PIEZO2: variants seen among roughly 807,000 people sequenced by gnomAD.
PIEZO2 encodes the protein piezo type mechanosensitive ion channel component 2, also known as piezo-type mechanosensitive ion channel component 2.
A neutral mutation model predicts 337.3 loss-of-function variants in PIEZO2; 172 were observed. That is an observed-to-expected ratio of 0.51 (90% CI 0.45 to 0.58). The LOEUF (loss-of-function observed/expected upper bound fraction) is 0.58. PIEZO2 is among the 20% of genes least tolerant of loss of function. The probability of loss-of-function intolerance (pLI) is 0.00; values close to 1 mark genes in which losing one functional copy is unlikely to be tolerated. For missense variants in PIEZO2, 3,028 were observed against 3,391.3 expected, an observed-to-expected ratio of 0.89 and a Z score of 2.66; for synonymous variants, 1,251 against 1,228.5, an observed-to-expected ratio of 1.02 and a Z score of -0.38.
intron 2 of PIEZO2, among the ~76,000 whole-genome samples, chr18:11,005,264 T>A (rs1385568501): frequency 6.6e-6 from 1 of 152,260 alleles, no homozygotes; most frequent in African/African-American, 2.4e-5. Flanking sequence ...TGTACAGAGT[T>A]ATCCTGCAAT....
In PIEZO2 at chr18:11,021,379, A is replaced by G. The variant is rs1383753323; in HGVS notation, c.161-41719T>C. Reference sequence around the variant, plus strand: ...AACATTTTCTTTTTCCTTCTACAAAAGCATCCCACTCTTGTATTCCATGCA... The same window carrying G: ...AACATTTTCTTTTTCCTTCTACAAAGGCATCCCACTCTTGTATTCCATGCA... On this transcript the variant is annotated intron_variant, in intron 2 of 55. Transcript: ENST00000674853. The surrounding 1 kb of genome is among the most constrained non-coding windows in gnomAD (Gnocchi z 4.7). Among the ~76,000 whole-genome samples, 1 of 152,070 alleles carries G rather than the reference A, an allele frequency of 6.6e-6. No individual in the cohort carries two copies. Among genetic ancestry groups the G allele is most frequent in the African/African-American group, 2.4e-5 (1 of 41,390 alleles).
rs753368785 is a variant in PIEZO2, at chr18:10,857,156, T to C, written c.548A>G (p.Asn183Ser). The change falls in exon 6 of 56, where the codon AAT (asparagine) becomes AGT (serine). Residue 183 changes from asparagine to serine, a missense_variant. Transcript: ENST00000674853. ...CTCGCCTTCAACACCATCTCCTCCA[T>C]TGAAATCCTCTTCATAGATCAGTGC... ...EEALIYEEDFNGGDGVEGELE... is the reference protein window; with the variant it reads ...EEALIYEEDFSGGDGVEGELE... 2.5e-5 allele frequency: 38 copies of C among 1,537,780 alleles called. No individual in the cohort carries two copies. Among genetic ancestry groups the C allele is most frequent in the African/African-American group, 8.2e-5 (6 of 73,060 alleles).
At position 10,699,017 on chromosome 18, in the gene PIEZO2, G is replaced by A. The variant is rs1407250908; in HGVS notation, c.6602C>T (p.Pro2201Leu). The A allele has an allele frequency of 2.3e-5, 35 of 1,536,958 alleles. No homozygotes were observed. The highest frequency in any genetic ancestry group is 1.2e-5 in the Non-Finnish European group (14 of 1,146,916). Residue 2201 changes from proline to leucine, a missense_variant, in exon 44 of 56, where the codon CCG becomes CTG. By Grantham distance (98) the Pro-to-Leu change is moderately conservative. Around this residue, in one of 5 missense-constraint regions of PIEZO2, gnomAD observed 1,925 missense variants for 2,051.9 expected, o/e 0.94. Transcript: ENST00000674853. ...ASVESVHVTF[P>L]EQQTAVRRKR... ...CCTCCGGACAGCTGTCTGCTGCTCC[G>A]GGAAGGTCACATGCACTGACTCCAC...
intron 1 of PIEZO2, among the ~76,000 whole-genome samples, chr18:11,136,041 AAATTTTGATACCC>A (rs2040474740): frequency 6.6e-6 from 1 of 152,226 alleles, no homozygotes; most frequent in African/African-American, 2.4e-5. Flanking sequence ...TTTGCTCAAA[AAATTTTGATACCC>A]AATTTAAGAA....
intron 2 of PIEZO2, among the ~76,000 whole-genome samples, chr18:11,014,434 G>GCC (rs1481826997): frequency 1.6e-5 from 2 of 125,490 alleles, no homozygotes; most frequent in South Asian, 2.6e-4. Context: ...GCGATCCGGA[G>GCC]CCCCTCATTC....
At chr18:10,785,073 A>G in intron 16 of PIEZO2, 116 bp from the exon 17 acceptor site, 1 of 1,064,274 alleles carries the variant, frequency 9.4e-7, no homozygotes, top group Non-Finnish European at 1.3e-6. Flanking sequence ...CGTTTATTGA[A>G]TCCCTCTCTC....
At chr18:10,869,163 A>G (rs531526422) in intron 5 of PIEZO2, among the ~76,000 whole-genome samples, 7 of 152,242 alleles carry the variant, frequency 4.6e-5, no homozygotes, top group Non-Finnish European at 8.8e-5. Context: ...AATTTTATTT[A>G]GCATTCACAA....
chr18:10,871,441 GA>G (rs547759274), intron 4 of PIEZO2, 26 bp from the exon 5 acceptor site: 68 of 1,513,076 alleles, frequency 4.5e-5, no homozygotes, highest in African/African-American at 2.2e-4. Context: ...AAGGGGAGGG[GA>G]AAAAAATTTA....
rs541278236 is a variant in PIEZO2 at position 11,085,918 on chromosome 18, T to A, written c.65-19696A>T. Among the ~76,000 whole-genome samples the A allele has an allele frequency of 1.1e-3, 169 of 151,480 alleles. 1 individual carries two copies. The highest frequency in any genetic ancestry group is 3.9e-3 in the African/African-American group (162 of 41,328). On this transcript the variant is annotated intron_variant, in intron 1 of 55. Coordinates refer to ENST00000674853, the MANE Select transcript of PIEZO2 (RefSeq NM_001378183.1). ...GAGGTAGGGGGTATAATGGAAACCC[T>A]AATGGTACATGTGGTCATCTGAAGC... is the stretch of plus-strand genomic sequence containing the variant.
Position 10,704,609 on chromosome 18 carries a change from C to A in PIEZO2, c.6043G>T (p.Val2015Leu). The A allele has an allele frequency of 6.5e-7, 1 of 1,537,238 alleles. No homozygotes were observed. Among genetic ancestry groups the A allele is most frequent in the South Asian group, 1.2e-5 (1 of 84,058 alleles). The part of the protein sequence containing the change: ...DELEESEKFY[V>L]GQPRFLLLFY... The stretch of plus-strand genomic sequence containing the variant: ...AGCAGCAGAAATCGGGGCTGCCCCA[C>A]GTAGAATTTCTCTGACTCTTCAAGC... Residue 2015 changes from valine to leucine, a missense_variant, in exon 42 of 56, where the codon GTG becomes TTG. This residue lies in a region of PIEZO2 where 1,925 missense variants were observed against 2,051.9 expected (regional missense o/e 0.94). Transcript: ENST00000674853.
chr18:10,832,512 A>T (rs1192938041), intron 7 of PIEZO2, among the ~76,000 whole-genome samples: 1 of 152,224 alleles, frequency 6.6e-6, no homozygotes, highest in Admixed American at 6.5e-5. Flanking sequence ...CCCAATGCCT[A>T]CAGCGCCTAG....
intron 3 of PIEZO2, among the ~76,000 whole-genome samples, chr18:10,923,460 T>G (rs1031702904): frequency 2.0e-5 from 3 of 152,054 alleles, no homozygotes; most frequent in East Asian, 3.9e-4. Flanking sequence ...GAAGCAAGAG[T>G]GGCTGTGACT....
rs999711510 is a variant in PIEZO2, at chr18:11,105,523, G to T, written c.65-39301C>A. Among the ~76,000 whole-genome samples the T allele has an allele frequency of 3.9e-5, 6 of 152,148 alleles. No homozygotes were observed. In the South Asian group the frequency reaches 1.2e-3, roughly 32 times the overall value. On this transcript the variant is annotated intron_variant, in intron 1 of 55. Transcript: ENST00000674853. This position sits in a 1 kb window ranked among gnomAD's most constrained non-coding sequence, Gnocchi z 4.3. The stretch of plus-strand genomic sequence containing the variant: ...CAGCTTATCTCATTCTCTCCTGCTT[G>T]TTATGAGCTCAGAAAGCTTTAGGTG...
In PIEZO2 at chr18:10,689,688, T is replaced by C. The variant is rs1327103059; in HGVS notation, c.7464A>G (p.Ile2488Met). The C allele has an allele frequency of 1.2e-6, 2 of 1,614,228 alleles. No individual in the cohort carries two copies. Among genetic ancestry groups the C allele is most frequent in the Non-Finnish European group, 1.7e-6 (2 of 1,180,044 alleles). Residue 2488 changes from isoleucine to methionine, a missense_variant, in exon 49 of 56, where the codon ATA (isoleucine) becomes ATG (methionine). Around this residue, in one of 5 missense-constraint regions of PIEZO2, gnomAD observed 179 missense variants for 281.8 expected, o/e 0.64. Coordinates refer to ENST00000674853, the MANE Select transcript of PIEZO2 (RefSeq NM_001378183.1). ...ACTCCCGCCAACACTTCAGGATGAA[T>C]ATGTGAGCATAGATGTCCTCCACAC... ...WICVEDIYAH[I>M]FILKCWRESE...
At chr18:10,898,988 C>A (rs1160202578) in intron 4 of PIEZO2, among the ~76,000 whole-genome samples, 1 of 152,128 alleles carries the variant, frequency 6.6e-6, no homozygotes, top group African/African-American at 2.4e-5. Context: ...CAACTGACGC[C>A]AAGAAAGGCA....
intron 21 of PIEZO2, 50 bp from the exon 22 acceptor site, chr18:10,763,148 A>G (rs890728388): frequency 1.3e-6 from 2 of 1,498,482 alleles, no homozygotes; most frequent in Non-Finnish European, 1.8e-6. Context: ...ACACGGCATA[A>G]CAAACAGGAC....
chr18:11,039,554 A>G (rs2037041709), intron 2 of PIEZO2, among the ~76,000 whole-genome samples: 1 of 152,180 alleles, frequency 6.6e-6, no homozygotes, highest in South Asian at 2.1e-4. Context: ...TGACATATAT[A>G]TAACTATATG....
intron 7 of PIEZO2, among the ~76,000 whole-genome samples, chr18:10,810,144 T>C (rs556323290): frequency 1.1e-4 from 16 of 152,248 alleles, no homozygotes; most frequent in Admixed American, 3.3e-4. Flanking sequence ...TAAAATCTAA[T>C]AATGTTGATG....
rs890815098 is a variant in PIEZO2, at chr18:10,837,841, T to C, written c.917+17512A>G. On this transcript the variant is annotated intron_variant, in intron 7 of 55. Coordinates refer to ENST00000674853, the MANE Select transcript of PIEZO2 (RefSeq NM_001378183.1). The surrounding 1 kb of genome is among the most constrained non-coding windows in gnomAD (Gnocchi z 4.4). Reference sequence around the variant, plus strand: ...ATCTCAGCTCACTGCAACCTCCACCTCCCAGGTTCAAGTGATTCTCCTGCC... The same window carrying C: ...ATCTCAGCTCACTGCAACCTCCACCCCCCAGGTTCAAGTGATTCTCCTGCC... Among the ~76,000 whole-genome samples, 1 of 152,146 alleles carries C rather than the reference T, an allele frequency of 6.6e-6. No homozygotes were observed. Among genetic ancestry groups the C allele is most frequent in the Admixed American group, 6.6e-5 (1 of 15,266 alleles).
Sources: gnomAD v4.1 joint callset for allele counts (sites outside exome capture counted in the v4.1 genomes callset) on GRCh38, gnomAD v4.1.1 for gene constraint, gnomAD v4.1.1 regional missense constraint, Gnocchi (gnomAD v3.1) non-coding constraint, MANE v1.5 for transcripts, NCBI Gene and HGNC (gene_info 2026-07-23, HGNC 2026-07-21) for gene names.